CEP152: variants seen among roughly 807,000 people sequenced by gnomAD.
CEP152 encodes the protein centrosomal protein of 152 kDa.
In CEP152, 132 loss-of-function variants were observed where a neutral mutation model predicts 188.9. The observed-to-expected ratio is 0.70, with a 90% CI of 0.61 to 0.81. The LOEUF is 0.81. Ranked by LOEUF, CEP152 falls within the 30% of genes least tolerant of loss-of-function variation. The pLI is 0.00. For synonymous variants in CEP152, 649 were observed against 666.6 expected (o/e 0.97, Z 0.41); for missense variants, 1,914 against 1,969.8 (o/e 0.97, Z 0.54).
chr15:48,747,813 A>G (rs1203717892), intron 22 of CEP152, among the ~76,000 whole-genome samples: 1 of 152,188 alleles, frequency 6.6e-6, no homozygotes, highest in Non-Finnish European at 1.5e-5. Flanking sequence ...TCAGAGGGGC[A>G]CTGGGAAATG....
chr15:48,744,103 A>C (rs551597676), intron 24 of CEP152, 137 bp downstream of exon 24: 54 of 1,391,924 alleles, frequency 3.9e-5, no homozygotes, highest in Admixed American at 1.5e-4. Context: ...GGTATCAATA[A>C]TCTCTTTTAA....
intron 9 of CEP152, among the ~76,000 whole-genome samples, chr15:48,788,283 T>C (rs1466651023): frequency 6.6e-6 from 1 of 151,458 alleles, no homozygotes; most frequent in African/African-American, 2.4e-5. Context: ...TTTCCAAAAG[T>C]ATACCTTTAG....
intron 10 of CEP152, among the ~76,000 whole-genome samples, chr15:48,782,975 G>A (rs1041493200): frequency 6.6e-6 from 1 of 152,154 alleles, no homozygotes; most frequent in African/African-American, 2.4e-5. Flanking sequence ...CCCCTATCAA[G>A]ACATATATAC....
At chr15:48,782,887 CAAGT>C (rs1319557141) in intron 10 of CEP152, among the ~76,000 whole-genome samples, 1 of 152,050 alleles carries the variant, frequency 6.6e-6, no homozygotes, top group African/African-American at 2.4e-5. Context: ...AAAGGCTCAC[CAAGT>C]AATGCCAAAT....
chr15:48,744,820 T>A (rs975957755), intron 23 of CEP152, 76 bp downstream of exon 23: 9 of 1,362,626 alleles, frequency 6.6e-6, no homozygotes, highest in Non-Finnish European at 7.0e-6. Flanking sequence ...ACAAAAAAAA[T>A]TGATACTTAA....
chr15:48,785,198 G>A (rs1896545129), intron 9 of CEP152, among the ~76,000 whole-genome samples: 2 of 152,272 alleles, frequency 1.3e-5, no homozygotes, highest in South Asian at 4.1e-4. Context: ...CATCCCATAA[G>A]AGCACCAATA....
chr15:48,739,312 A>C, intron 26 of CEP152, 24 bp from the exon 27 acceptor site: 1 of 1,582,436 alleles, frequency 6.3e-7, no homozygotes, highest in Non-Finnish European at 8.5e-7. Flanking sequence ...GGAAACACGA[A>C]ATTAAGAGAA....
intron 19 of CEP152, among the ~76,000 whole-genome samples, chr15:48,757,535 C>T (rs1221328238): frequency 1.3e-5 from 2 of 152,138 alleles, no homozygotes; most frequent in Non-Finnish European, 2.9e-5. Context: ...TAGATAATGG[C>T]CTTGAGTCCC....
intron 23 of CEP152, 120 bp from the exon 24 acceptor site, chr15:48,744,463 T>C: frequency 6.6e-7 from 1 of 1,504,626 alleles, no homozygotes; most frequent in South Asian, 1.2e-5. Context: ...AAATCTCATC[T>C]AGAACAATCT....
intron 26 of CEP152, chr15:48,741,129 A>ACTTTTTTTTTT (rs1892942627): frequency 1.1e-6 from 1 of 934,866 alleles, no homozygotes; most frequent in Non-Finnish European, 1.2e-6. Context: ...TCCACTGCAA[A>ACTTTTTTTTTT]CTTTTTTTTT....
intron 24 of CEP152, among the ~76,000 whole-genome samples, chr15:48,743,601 G>A (rs1021320681): frequency 1.3e-5 from 2 of 152,130 alleles, no homozygotes; most frequent in Admixed American, 1.3e-4. Flanking sequence ...AGTGGCTCAC[G>A]CCCGTAATCC....
chr15:48,767,268 T>C (rs1189466955), intron 16 of CEP152, 67 bp downstream of exon 16: 1 of 1,613,820 alleles, frequency 6.2e-7, no homozygotes, highest in Middle Eastern at 1.7e-4. Flanking sequence ...ACAATTTTCC[T>C]CTAAATTATG....
chr15:48,744,074 G>C (rs748059474), intron 24 of CEP152, among the ~76,000 whole-genome samples, 166 bp downstream of exon 24: 17 of 152,092 alleles, frequency 1.1e-4, no homozygotes, highest in Non-Finnish European at 2.2e-4. Flanking sequence ...AATGATCAAT[G>C]ACTACATAAT....
rs376343146 is a variant in CEP152, at chr15:48,807,487, G to A, written c.-7-1831C>T. 3.0e-4 allele frequency among the ~76,000 whole-genome samples: 45 copies of A among 151,978 alleles called. 1 individual carries two copies. In the South Asian group the frequency reaches 6.8e-3, roughly 23 times the overall value. On this transcript the variant is annotated intron_variant, in intron 1 of 26. Coordinates refer to ENST00000380950, the MANE Select transcript of CEP152 (RefSeq NM_001194998.2). ...GGAGAAGGGCGTGAACCCGGGAAGC[G>A]GAGCTTGCAGTGAGCCGAGATTGCG... is the stretch of plus-strand genomic sequence containing the variant.
intron 8 of CEP152, 57 bp from the exon 9 acceptor site, chr15:48,789,058 T>C: frequency 1.4e-6 from 2 of 1,456,872 alleles, no homozygotes; most frequent in Non-Finnish European, 1.9e-6. Context: ...ATTTTAGCTC[T>C]GTGCTGTCTA....
chr15:48,782,433 A>T (rs1896316319), intron 10 of CEP152, among the ~76,000 whole-genome samples: 1 of 152,210 alleles, frequency 6.6e-6, no homozygotes, highest in African/African-American at 2.4e-5. Flanking sequence ...ATGGCATCCC[A>T]TATGACCTTG....
rs1324993112 is a variant in CEP152, at chr15:48,738,543, T to C, written c.4839A>G (p.Pro1613=). 1.2e-6 allele frequency: 2 copies of C among 1,614,224 alleles called. No individual in the cohort carries two copies. Among genetic ancestry groups the C allele is most frequent in the Admixed American group, 1.7e-5 (1 of 60,032 alleles). ...CCTCTGTATCTGAAAGATAACCGGATGGTGAAAACTGTTTGGATTTAACAG... is the reference window on the plus strand; with the variant it reads ...CCTCTGTATCTGAAAGATAACCGGACGGTGAAAACTGTTTGGATTTAACAG... The part of the protein sequence containing the change: ...SESVKSKQFS[P]SGYLSDTEES... The change falls in exon 27 of 27, where the codon CCA becomes CCG. Residue 1613 remains proline, a synonymous_variant. Coordinates refer to ENST00000380950, the MANE Select transcript of CEP152 (RefSeq NM_001194998.2).
At chr15:48,774,229 T>TA (rs1240687008) in intron 12 of CEP152, among the ~76,000 whole-genome samples, 2 of 151,804 alleles carry the variant, frequency 1.3e-5, no homozygotes, top group African/African-American at 4.8e-5. Flanking sequence ...AAAACAGAAA[T>TA]ACACAGAACA....
At chr15:48,790,659 T>C (rs1896936842) in intron 8 of CEP152, among the ~76,000 whole-genome samples, 1 of 152,112 alleles carries the variant, frequency 6.6e-6, no homozygotes, top group Non-Finnish European at 1.5e-5. Flanking sequence ...CTCCGCCTCC[T>C]GGGTTCAAGC....
Sources: gnomAD v4.1 joint callset for allele counts (sites outside exome capture counted in the v4.1 genomes callset) on GRCh38, gnomAD v4.1.1 for gene constraint, MANE v1.5 for transcripts, NCBI Gene and HGNC (gene_info 2026-07-23, HGNC 2026-07-21) for gene names.